The following SVOPL variants were observed in gnomAD, a reference collection of about 807,000 sequenced individuals.
SVOPL encodes the protein putative transporter SVOPL.
A neutral mutation model predicts 61.0 loss-of-function variants in SVOPL; 60 were observed. The observed-to-expected ratio is 0.98, with a 90% CI of 0.80 to 1.22. The LOEUF (loss-of-function observed/expected upper bound fraction) is 1.22. Among genes scored for constraint, SVOPL ranks in the 50% most tolerant of loss-of-function variants. The probability of loss-of-function intolerance (pLI) is 0.00; values close to 1 mark genes in which losing one functional copy is unlikely to be tolerated. For synonymous variants in SVOPL, 279 were observed against 250.0 expected (o/e 1.12, Z -1.09); for missense variants, 662 against 643.9 (o/e 1.03, Z -0.30).
Position 138,605,640 on chromosome 7 carries a change from CAAAA to C in SVOPL, c.1354-9114_1354-9111del, listed in dbSNP as rs1159063438. ...TCATACCACTGCACTCTAACCTGGG[CAAAA>C]AAAAAAAAAAAAAAAATAGAATGAC... On this transcript the variant is annotated intron_variant, in intron 14 of 15. Transcript: ENST00000674285. Among the ~76,000 whole-genome samples, 4 of 84,250 alleles carry C rather than the reference CAAAA, an allele frequency of 4.7e-5. No homozygotes were observed. In the East Asian group the frequency reaches 1.0e-3, roughly 22 times the overall value. The allele number at this position is 84,250 out of a possible 152,430, so 55.3% of individuals were successfully genotyped here.
At chr7:138,660,755 G>C (rs1414925847) in intron 5 of SVOPL, 1 of 985,100 alleles carries the variant, frequency 1.0e-6, no homozygotes, top group Non-Finnish European at 1.2e-6. Flanking sequence ...CATACTGCCA[G>C]GCTGATGGTC....
At chr7:138,675,860 C>A (rs544863515) in intron 3 of SVOPL, among the ~76,000 whole-genome samples, 11 of 151,610 alleles carry the variant, frequency 7.3e-5, no homozygotes, top group Non-Finnish European at 1.3e-4. Context: ...CCTTCCACCC[C>A]CAAAGTCTTG....
chr7:138,671,401 G>T (rs141693774), intron 4 of SVOPL, among the ~76,000 whole-genome samples: 6 of 152,262 alleles, frequency 3.9e-5, no homozygotes, highest in African/African-American at 1.4e-4. Context: ...AGGCTGGAGC[G>T]CAATGGCGTG....
Position 138,656,566 on chromosome 7 carries a change from T to G in SVOPL, c.471-55A>C. On this transcript the variant is annotated intron_variant, in intron 6 of 15. Coordinates refer to ENST00000674285, the MANE Select transcript of SVOPL (RefSeq NM_001139456.2). The stretch of plus-strand genomic sequence containing the variant: ...TTGTTTTAAAAAACTAAATCATCTT[T>G]TAAAAAATAATCAGTTTTTCTTGTC... The G allele has an allele frequency of 2.5e-6, 4 of 1,579,254 alleles. No individual in the cohort carries two copies. In the Admixed American group the frequency reaches 6.8e-5, roughly 27 times the overall value.
At chr7:138,634,380 C>T (rs149380366) in intron 9 of SVOPL, among the ~76,000 whole-genome samples, 145 of 151,998 alleles carry the variant, frequency 9.5e-4, no homozygotes, top group Non-Finnish European at 1.7e-3. Flanking sequence ...CGGTGGCTCA[C>T]GCCTGTAATT....
intron 14 of SVOPL, among the ~76,000 whole-genome samples, chr7:138,610,459 T>A: frequency 6.6e-6 from 1 of 152,232 alleles, no homozygotes; most frequent in East Asian, 1.9e-4. Flanking sequence ...TTATCTTTGT[T>A]ATCATTAAAT....
At chr7:138,622,933 A>C (rs1439381162) in intron 13 of SVOPL, among the ~76,000 whole-genome samples, 10 of 152,220 alleles carry the variant, frequency 6.6e-5, no homozygotes, top group Admixed American at 2.6e-4. Context: ...GTTTCTCAAA[A>C]TGTTGGAACA....
chr7:138,681,650 C>T (rs1182757722), intron 1 of SVOPL, among the ~76,000 whole-genome samples: 2 of 151,984 alleles, frequency 1.3e-5, no homozygotes, highest in Non-Finnish European at 2.9e-5. Context: ...ACAGCAAAAC[C>T]CCGTCTCTAC....
chr7:138,689,442 C>T (rs1250927893), intron 1 of SVOPL: 13 of 1,152,170 alleles, frequency 1.1e-5, no homozygotes, highest in African/African-American at 4.6e-5. Context: ...TGAAAAGGAA[C>T]AGATTGTTCC....
chr7:138,629,389 C>T (rs1439843905), intron 10 of SVOPL, among the ~76,000 whole-genome samples: 1 of 151,906 alleles, frequency 6.6e-6, no homozygotes, highest in African/African-American at 2.4e-5. Context: ...CACCACCATG[C>T]CCAGCTAATT....
chr7:138,637,176 T>A (rs1413088305), intron 9 of SVOPL, among the ~76,000 whole-genome samples: 1 of 152,010 alleles, frequency 6.6e-6, no homozygotes, highest in Non-Finnish European at 1.5e-5. Context: ...GCATGTAATC[T>A]CAGCACTTTG....
chr7:138,649,694 T>C (rs562872901), intron 7 of SVOPL, among the ~76,000 whole-genome samples: 1 of 152,208 alleles, frequency 6.6e-6, no homozygotes, highest in South Asian at 2.1e-4. Context: ...AAAAGTGTGA[T>C]AGAGTGGGAC....
At chr7:138,611,364 C>A (rs1235210766) in intron 14 of SVOPL, among the ~76,000 whole-genome samples, 1 of 152,054 alleles carries the variant, frequency 6.6e-6, no homozygotes, top group Non-Finnish European at 1.5e-5. Context: ...GGCGACAGAG[C>A]AAGACTCTGT....
chr7:138,633,389 G>A (rs1010481793), intron 9 of SVOPL, among the ~76,000 whole-genome samples: 1 of 152,092 alleles, frequency 6.6e-6, no homozygotes, highest in Non-Finnish European at 1.5e-5. Flanking sequence ...TAACGAGTGA[G>A]TTCTCACTCT....
At chr7:138,629,548 A>G (rs1003870954) in intron 10 of SVOPL, among the ~76,000 whole-genome samples, 2 of 152,088 alleles carry the variant, frequency 1.3e-5, no homozygotes, top group Non-Finnish European at 2.9e-5. Context: ...GGCCTTCTTC[A>G]TGATACCTTG....
At chr7:138,670,026 A>G (rs973985373) in intron 4 of SVOPL, among the ~76,000 whole-genome samples, 6 of 152,320 alleles carry the variant, frequency 3.9e-5, no homozygotes, top group Admixed American at 3.3e-4. Context: ...TATGTCCCAG[A>G]ACACACACCC....
intron 1 of SVOPL, among the ~76,000 whole-genome samples, chr7:138,685,170 G>T (rs1214463201): frequency 6.6e-6 from 1 of 152,180 alleles, no homozygotes; most frequent in East Asian, 1.9e-4. Flanking sequence ...GACCTCAGGT[G>T]ATCCACCTGC....
chr7:138,625,936 C>A (rs1799871033), intron 13 of SVOPL, 33 bp downstream of exon 13: 1 of 1,609,276 alleles, frequency 6.2e-7, no homozygotes, highest in South Asian at 1.1e-5. Context: ...ACCTTACACA[C>A]CCTTTGTAAG....
intron 5 of SVOPL, chr7:138,661,987 C>T: frequency 5.1e-6 from 5 of 985,496 alleles, no homozygotes; most frequent in Non-Finnish European, 6.0e-6. Flanking sequence ...CATGAACCCA[C>T]TGCGTTCCCC....
Sources: allele counts gnomAD v4.1 joint callset (sites outside exome capture counted in the v4.1 genomes callset), GRCh38; gene constraint gnomAD v4.1.1; transcripts MANE v1.5; gene names NCBI Gene and HGNC (gene_info 2026-07-23, HGNC 2026-07-21).